EPN1: variants seen among roughly 807,000 people sequenced by gnomAD.
EPN1 encodes epsin 1, also known as epsin-1.
In EPN1, 25 loss-of-function variants were observed where a neutral mutation model predicts 56.9. The ratio of observed to expected loss-of-function variants is 0.44; its 90% confidence interval spans 0.32 to 0.61. The LOEUF (loss-of-function observed/expected upper bound fraction) is 0.61. EPN1 is among the 20% of genes least tolerant of loss of function. The pLI is 0.05. For missense variants in EPN1, 785 were observed against 823.7 expected, an observed-to-expected ratio of 0.95 and a Z score of 0.58; for synonymous variants, 411 against 361.8, an observed-to-expected ratio of 1.14 and a Z score of -1.54.
chr19:55,689,857 GC>G lies in EPN1; in HGVS notation c.679-6del. ...CTCATGTCTCCCTGGTCGTGCCCGT[GC>G]CCCAACAGGAGGAGCGGATCCGTCG... On this transcript the variant is annotated splice_polypyrimidine_tract_variant and intron_variant, in intron 5 of 10. Transcript: ENST00000270460. This position sits in a 1 kb window ranked among gnomAD's most constrained non-coding sequence, Gnocchi z 5.7. 6.3e-7 allele frequency: 1 copy of G among 1,595,842 alleles called. No homozygotes were observed. Among genetic ancestry groups the G allele is most frequent in the Non-Finnish European group, 8.5e-7 (1 of 1,171,816 alleles).
In EPN1 at chr19:55,685,655, T is replaced by G. The variant is rs1164254861; in HGVS notation, c.478+10T>G. 6.3e-7 allele frequency: 1 copy of G among 1,586,054 alleles called. No individual in the cohort carries two copies. The highest frequency in any genetic ancestry group is 1.3e-5 in the African/African-American group (1 of 74,230). ...GCACAGACCGCCACGGGTGAGTCCC[T>G]CCCTGCGGCCCCTGACGGCCTAGAG... On this transcript the variant is annotated intron_variant, in intron 3 of 10. Transcript: ENST00000270460.
chr19:55,691,575 C>T lies in EPN1; in HGVS notation c.763-179C>T, dbSNP rs951495424. 4.6e-5 allele frequency among the ~76,000 whole-genome samples: 7 copies of T among 152,108 alleles called. No individual in the cohort carries two copies. Among genetic ancestry groups the T allele is most frequent in the Admixed American group, 3.9e-4 (6 of 15,288 alleles). Reference sequence around the variant, plus strand: ...GGGCAGGGGTGGGCCGACCCCATGACGGATGAGGAGGGAGGCCAGGTGGTG... The same window carrying T: ...GGGCAGGGGTGGGCCGACCCCATGATGGATGAGGAGGGAGGCCAGGTGGTG... On this transcript the variant is annotated intron_variant, in intron 6 of 10. Transcript: ENST00000270460. The surrounding 1 kb of genome is among the most constrained non-coding windows in gnomAD (Gnocchi z 5.6).
At position 55,689,701 on chromosome 19, in the gene EPN1, T is replaced by C. The variant is rs1178179616; in HGVS notation, c.679-166T>C. On this transcript the variant is annotated intron_variant, in intron 5 of 10. Transcript: ENST00000270460. The surrounding 1 kb of genome is among the most constrained non-coding windows in gnomAD (Gnocchi z 5.7). ...CCCTTATCCCCTGTCCCGCCTGACC[T>C]TTGACCCAGGTGCCCCATCCCCATT... 6.6e-6 allele frequency among the ~76,000 whole-genome samples: 1 copy of C among 152,176 alleles called. No homozygotes were observed. Among genetic ancestry groups the C allele is most frequent in the Non-Finnish European group, 1.5e-5 (1 of 68,022 alleles).
At chr19:55,680,806 C>G (rs1308485285) in intron 2 of EPN1, 1 of 152,586 alleles carries the variant, frequency 6.6e-6, no homozygotes, top group African/African-American at 2.4e-5. Context: ...GGCCCAGAGG[C>G]CCTGAGCCAC....
intron 1 of EPN1, among the ~76,000 whole-genome samples, 180 bp downstream of exon 1, chr19:55,675,615 G>T (rs1041532383): frequency 1.3e-5 from 2 of 152,144 alleles, no homozygotes; most frequent in South Asian, 2.1e-4. Context: ...TGTCTCTCTC[G>T]TGTCTGTGTG....
rs373584560 is a variant in EPN1 at position 55,689,828 on chromosome 19, C to T, written c.679-39C>T. The T allele has an allele frequency of 3.6e-4, 557 of 1,565,228 alleles. No homozygotes were observed. Among genetic ancestry groups the T allele is most frequent in the Non-Finnish European group, 3.8e-4 (436 of 1,154,088 alleles). The stretch of plus-strand genomic sequence containing the variant: ...TGAGGTGGCATCTGCCCGTGGCTCA[C>T]GTTCTCATGTCTCCCTGGTCGTGCC... On this transcript the variant is annotated intron_variant, in intron 5 of 10. Coordinates refer to ENST00000270460, the MANE Select transcript of EPN1 (RefSeq NM_001130072.2). This position sits in a 1 kb window ranked among gnomAD's most constrained non-coding sequence, Gnocchi z 5.7.
At chr19:55,687,670 C>G (rs1986257844) in intron 3 of EPN1, among the ~76,000 whole-genome samples, 1 of 152,144 alleles carries the variant, frequency 6.6e-6, no homozygotes, top group Non-Finnish European at 1.5e-5. Context: ...CCACGCTGCC[C>G]TTCCATCTGC....
In EPN1 at chr19:55,691,786, G is replaced by T; in HGVS notation, c.795G>T (p.Thr265=). The T allele has an allele frequency of 6.2e-7, 1 of 1,612,536 alleles. No individual in the cohort carries two copies. Among genetic ancestry groups the T allele is most frequent in the Non-Finnish European group, 8.5e-7 (1 of 1,179,208 alleles). The change falls in exon 7 of 11, where the codon ACG becomes ACT. Residue 265 remains threonine (T), a synonymous_variant. Coordinates refer to ENST00000270460, the MANE Select transcript of EPN1 (RefSeq NM_001130072.2). This position sits in a 1 kb window ranked among gnomAD's most constrained non-coding sequence, Gnocchi z 5.6. ...TCATGGACCTTGCTGACGTCTTCAC[G>T]GCCCCAGCTCCTGCCCCGACCACAG... ...SSLMDLADVF[T]APAPAPTTDP...
Position 55,698,362 on chromosome 19 carries a change from G to A in EPN1, c.*3006G>A, listed in dbSNP as rs915846541. ...TTCTCCCTGGGACAGGTGAAGCGAT[G>A]GGGCGTGGGACATTCCTGGGTCTCG... On this transcript the variant is annotated 3_prime_UTR_variant, in exon 11 of 11. Transcript: ENST00000270460. The A allele has an allele frequency of 2.6e-5, 4 of 152,262 alleles. No individual in the cohort carries two copies. Among genetic ancestry groups the A allele is most frequent in the African/African-American group, 9.7e-5 (4 of 41,400 alleles). 9.4% of individuals were successfully genotyped at this position (152,262 alleles called of 1,614,324 possible).
At chr19:55,692,579 CA>C (rs1986632020) in intron 7 of EPN1, 106 bp from the exon 8 acceptor site, 1 of 681,018 alleles carries the variant, frequency 1.5e-6, no homozygotes, top group Admixed American at 3.4e-5. Context: ...TTCTGGGGGG[CA>C]GGGGGGCTTT....
rs565064556 is a variant in EPN1, at chr19:55,687,642, G to A, written c.479-1228G>A. Among the ~76,000 whole-genome samples the A allele has an allele frequency of 3.2e-3, 482 of 152,116 alleles. 1 individual carries two copies. The highest frequency in any genetic ancestry group is 0.011 in the African/African-American group (441 of 41,482). ...CACAGGGGTGTGGTCCTCCCTGTGC[G>A]CTGGCCTCACCTGTGCCCCACGCTG... On this transcript the variant is annotated intron_variant, in intron 3 of 10. Transcript: ENST00000270460.
intron 1 of EPN1, 133 bp from the exon 2 acceptor site, chr19:55,678,394 G>GGTTACTT: frequency 3.2e-6 from 3 of 936,286 alleles, no homozygotes; most frequent in Middle Eastern, 3.4e-4. Context: ...ACATGGATGG[G>GGTTACTT]GTTACTTTGA....
Position 55,701,956 on chromosome 19 carries a change from ATTCT to A in EPN1, c.*6603_*6606del, listed in dbSNP as rs1372135418. On this transcript the variant is annotated 3_prime_UTR_variant, in exon 11 of 11. Transcript: ENST00000270460. ...CAGAGTCTCTAGCAGCCCCCACCCCATTCTTTTTTTTTTTTTTTTTTTTGAGATG... is the reference window on the plus strand; with the variant it reads ...CAGAGTCTCTAGCAGCCCCCACCCCATTTTTTTTTTTTTTTTTTTGAGATG... 5.2e-5 allele frequency: 5 copies of A among 95,576 alleles called. No individual in the cohort carries two copies. The highest frequency in any genetic ancestry group is 1.0e-4 in the Non-Finnish European group (5 of 49,688). The allele number at this position is 95,576 out of a possible 1,614,324, so 5.9% of individuals were successfully genotyped here.
rs1987412962 is a variant in EPN1, at chr19:55,706,297, TTTA to T, written c.*10942_*10944del. 2.6e-5 allele frequency: 4 copies of T among 156,224 alleles called. No homozygotes were observed. Among genetic ancestry groups the T allele is most frequent in the Non-Finnish European group, 4.1e-5 (3 of 72,346 alleles). The allele number at this position is 156,224 out of a possible 1,614,324, so 9.7% of individuals were successfully genotyped here. A position where few individuals can be genotyped will look rare whatever the true frequency, so the allele number is the denominator to read the frequency against. On this transcript the variant is annotated 3_prime_UTR_variant, in exon 11 of 11. Coordinates refer to ENST00000270460, the MANE Select transcript of EPN1 (RefSeq NM_001130072.2). Reference sequence around the variant, plus strand: ...TTTTTCTTCTTCTTTTTTTTTTTTTTTTAAAAGACCGTGTTTCGCTCTGTCACC... The same window carrying T: ...TTTTTCTTCTTCTTTTTTTTTTTTTTAAAGACCGTGTTTCGCTCTGTCACC...
In EPN1 at chr19:55,704,835, G is replaced by T. The variant is rs1987317781; in HGVS notation, c.*9479G>T. The T allele has an allele frequency of 6.6e-6, 1 of 152,316 alleles. No individual in the cohort carries two copies. The highest frequency in any genetic ancestry group is 1.5e-5 in the Non-Finnish European group (1 of 68,122). 9.4% of individuals were successfully genotyped at this position (152,316 alleles called of 1,614,324 possible). A position where few individuals can be genotyped will look rare whatever the true frequency, so the allele number is the denominator to read the frequency against. On this transcript the variant is annotated 3_prime_UTR_variant, in exon 11 of 11. Coordinates refer to ENST00000270460, the MANE Select transcript of EPN1 (RefSeq NM_001130072.2). ...TCTGTAATACAGACAACAGAGACAG[G>T]AGATGGCCTGGCCCCACTTCATTTC...
At chr19:55,693,966 A>G (rs180835591) in intron 9 of EPN1, among the ~76,000 whole-genome samples, 2 of 152,290 alleles carry the variant, frequency 1.3e-5, no homozygotes, top group East Asian at 1.9e-4. Context: ...CTGTAATCCC[A>G]GCACTTTGGA....
In EPN1 at chr19:55,700,520, A is replaced by G. The variant is rs1221980093; in HGVS notation, c.*5164A>G. The G allele has an allele frequency of 7.0e-6, 1 of 143,346 alleles. No homozygotes were observed. The highest frequency in any genetic ancestry group is 6.7e-5 in the Admixed American group (1 of 14,960). The allele number at this position is 143,346 out of a possible 1,614,324, so 8.9% of individuals were successfully genotyped here. On this transcript the variant is annotated 3_prime_UTR_variant, in exon 11 of 11. Coordinates refer to ENST00000270460, the MANE Select transcript of EPN1 (RefSeq NM_001130072.2). ...TGTGATCCACCCGCCTCGGCCTCCC[A>G]AAGTGCTGGGATTACAGGCGTGAGC...
In EPN1 at chr19:55,689,089, G is replaced by A. The variant is rs568234217; in HGVS notation, c.603+95G>A. On this transcript the variant is annotated intron_variant, in intron 4 of 10. Coordinates refer to ENST00000270460, the MANE Select transcript of EPN1 (RefSeq NM_001130072.2). This position sits in a 1 kb window ranked among gnomAD's most constrained non-coding sequence, Gnocchi z 5.7. ...GCCAGGCGTGGGCCTGGCCCTCACT[G>A]TCGCTGCTCCACATGCTGTCACTCG... 4 of 1,444,736 alleles carry A rather than the reference G, an allele frequency of 2.8e-6. No individual in the cohort carries two copies. The highest frequency in any genetic ancestry group is 2.8e-5 in the African/African-American group (2 of 70,782). 89.5% of individuals were successfully genotyped at this position (1,444,736 alleles called of 1,614,324 possible).
At chr19:55,677,615 C>T in intron 1 of EPN1, 1 of 1,551,542 alleles carries the variant, frequency 6.4e-7, no homozygotes, top group Non-Finnish European at 8.7e-7. Context: ...GAGCACCTGG[C>T]ACACAGCAGG....
Sources: gnomAD v4.1 joint callset for allele counts (sites outside exome capture counted in the v4.1 genomes callset) on GRCh38, gnomAD v4.1.1 for gene constraint, Gnocchi (gnomAD v3.1) non-coding constraint, MANE v1.5 for transcripts, NCBI Gene and HGNC (gene_info 2026-07-23, HGNC 2026-07-21) for gene names.